The following CADPS variants were observed in gnomAD, a reference collection of about 807,000 sequenced individuals.
CADPS encodes the protein calcium-dependent secretion activator 1.
A neutral mutation model predicts 167.3 loss-of-function variants in CADPS; 57 were observed. The ratio of observed to expected loss-of-function variants is 0.34; its 90% CI spans 0.28 to 0.42. The LOEUF is 0.42. Among genes scored for constraint, CADPS ranks in the 20% least tolerant of loss-of-function variants. The pLI is 1.00. For missense variants in CADPS, 1,414 were observed against 1,738.1 expected, an observed-to-expected ratio of 0.81 and a Z score of 3.32; for synonymous variants, 676 against 635.3, an observed-to-expected ratio of 1.06 and a Z score of -0.96.
Position 62,534,002 on chromosome 3 carries a change from T to C in CADPS, c.2104-944A>G, listed in dbSNP as rs72891940. Among the ~76,000 whole-genome samples the C allele has an allele frequency of 7.5e-3, 1,141 of 152,306 alleles. 16 individuals are homozygous for C. Among genetic ancestry groups the C allele is most frequent in the African/African-American group, 0.025 (1,028 of 41,566 alleles). On this transcript the variant is annotated intron_variant, in intron 12 of 29. Transcript: ENST00000383710. ...GCAAATTAGAGCAGGTTTGGTGGCA[T>C]GATGGGATGGAAATTGCTAGCCCCA...
intron 11 of CADPS, among the ~76,000 whole-genome samples, chr3:62,543,570 A>G (rs769980434): frequency 4.3e-4 from 66 of 152,146 alleles, no homozygotes; most frequent in Admixed American, 8.5e-4. Context: ...ATCTGCTTGA[A>G]GTGGTGAAAA....
At chr3:62,484,978 G>A (rs2062586818) in intron 21 of CADPS, among the ~76,000 whole-genome samples, 1 of 151,980 alleles carries the variant, frequency 6.6e-6, no homozygotes, top group African/African-American at 2.4e-5. Flanking sequence ...TGGGGCAGGG[G>A]CATTCTCTAA....
intron 13 of CADPS, among the ~76,000 whole-genome samples, chr3:62,520,549 C>T (rs898207931): frequency 6.6e-6 from 1 of 152,186 alleles, no homozygotes; most frequent in Non-Finnish European, 1.5e-5. Flanking sequence ...AAATTTGCTT[C>T]TTGATCACCT....
chr3:62,770,720 C>A (rs1390934717), intron 1 of CADPS, among the ~76,000 whole-genome samples: 1 of 152,164 alleles, frequency 6.6e-6, no homozygotes, highest in Non-Finnish European at 1.5e-5. Context: ...GCCGTCATGC[C>A]CAATCGGTAT....
intron 11 of CADPS, among the ~76,000 whole-genome samples, chr3:62,542,428 A>G (rs576549728): frequency 1.3e-5 from 2 of 152,232 alleles, no homozygotes; most frequent in South Asian, 4.1e-4. Flanking sequence ...AGAAGACATG[A>G]AATAAAGAAA....
chr3:62,820,134 T>C (rs2094831740), intron 1 of CADPS, among the ~76,000 whole-genome samples: 1 of 152,120 alleles, frequency 6.6e-6, no homozygotes, highest in Non-Finnish European at 1.5e-5. Flanking sequence ...AAAAGCCCAA[T>C]GATCCTGAAC....
intron 2 of CADPS, among the ~76,000 whole-genome samples, chr3:62,761,105 C>A (rs1279348204): frequency 6.6e-6 from 1 of 152,134 alleles, no homozygotes; most frequent in African/African-American, 2.4e-5. Context: ...TTATATCTTA[C>A]TATCTGGCTT....
At chr3:62,659,705 T>C (rs2072680875) in intron 4 of CADPS, among the ~76,000 whole-genome samples, 1 of 152,228 alleles carries the variant, frequency 6.6e-6, no homozygotes, top group Non-Finnish European at 1.5e-5. Flanking sequence ...GCATCAAGTT[T>C]CCATTTCTGG....
chr3:62,594,464 A>G (rs1424466384), intron 6 of CADPS, among the ~76,000 whole-genome samples: 1 of 152,146 alleles, frequency 6.6e-6, no homozygotes, highest in Non-Finnish European at 1.5e-5. Context: ...CCCGGCCCTC[A>G]TTATGATTTT....
intron 28 of CADPS, among the ~76,000 whole-genome samples, chr3:62,435,062 CA>C (rs2054718168): frequency 6.6e-6 from 1 of 152,096 alleles, no homozygotes; most frequent in African/African-American, 2.4e-5. Flanking sequence ...TTTTTTTCTT[CA>C]TTCAAAATGT....
At chr3:62,511,266 C>T (rs1047739266) in intron 17 of CADPS, among the ~76,000 whole-genome samples, 4 of 152,244 alleles carry the variant, frequency 2.6e-5, no homozygotes, top group Middle Eastern at 3.4e-3. Context: ...GCCTACCTTG[C>T]CATCATCAGC....
chr3:62,657,758 C>T (rs1388484406), intron 4 of CADPS, among the ~76,000 whole-genome samples: 1 of 152,124 alleles, frequency 6.6e-6, no homozygotes, highest in Non-Finnish European at 1.5e-5. Context: ...TGACAGATTA[C>T]ACTGCAAGGT....
intron 9 of CADPS, among the ~76,000 whole-genome samples, chr3:62,568,049 C>G (rs1278361034): frequency 6.6e-6 from 1 of 152,168 alleles, no homozygotes; most frequent in Admixed American, 6.5e-5. Flanking sequence ...CTTCTTCCTG[C>G]TAAAAGTTGG....
At chr3:62,827,639 T>C (rs1017882342) in intron 1 of CADPS, among the ~76,000 whole-genome samples, 1 of 152,178 alleles carries the variant, frequency 6.6e-6, no homozygotes, top group African/African-American at 2.4e-5. Context: ...AGGAAACTGA[T>C]CTTTCAAATA....
At chr3:62,402,249 G>GGA (rs1553690906) in intron 29 of CADPS, among the ~76,000 whole-genome samples, 1 of 133,782 alleles carries the variant, frequency 7.5e-6, no homozygotes, top group Non-Finnish European at 1.6e-5. Context: ...CGGGGGGGGG[G>GGA]GGTGCCCAGG....
intron 13 of CADPS, among the ~76,000 whole-genome samples, chr3:62,527,956 A>G (rs2072715138): frequency 6.6e-6 from 1 of 152,186 alleles, no homozygotes; most frequent in Non-Finnish European, 1.5e-5. Flanking sequence ...TGGTTTCCCC[A>G]ATCCCAAAGG....
At chr3:62,759,303 G>T (rs1252088022) in intron 2 of CADPS, among the ~76,000 whole-genome samples, 1 of 152,162 alleles carries the variant, frequency 6.6e-6, no homozygotes, top group Non-Finnish European at 1.5e-5. Flanking sequence ...CCTGCAAGTT[G>T]GTTAGCCTGT....
At chr3:62,714,388 A>G (rs1440684233) in intron 3 of CADPS, among the ~76,000 whole-genome samples, 2 of 152,196 alleles carry the variant, frequency 1.3e-5, no homozygotes, top group Non-Finnish European at 2.9e-5. Context: ...ACATTAGAAG[A>G]ATACTCTTCC....
Position 62,481,748 on chromosome 3 carries a change from A to G in CADPS, c.3148T>C (p.Trp1050Arg). 2 of 1,608,594 alleles carry G rather than the reference A, an allele frequency of 1.2e-6. No individual in the cohort carries two copies. Among genetic ancestry groups the G allele is most frequent in the Non-Finnish European group, 1.7e-6 (2 of 1,178,378 alleles). Residue 1050 changes from tryptophan to arginine, a missense_variant, in exon 22 of 30, where the codon TGG becomes CGG. By Grantham distance (101) the Trp-to-Arg change is moderately radical. This residue lies in a region of CADPS where 529 missense variants were observed against 629.6 expected (regional missense o/e 0.84). Transcript: ENST00000383710. Reference protein sequence around the residue: ...PQMPTFSAPSWMAAIYDADNG... With the variant: ...PQMPTFSAPSRMAAIYDADNG... ...TCCGCATCATATATAGCAGCCATCC[A>G]TGACGGTGCCGAAAAAGTAGGCATT...
Sources: allele counts gnomAD v4.1 joint callset (sites outside exome capture counted in the v4.1 genomes callset), GRCh38; gene constraint gnomAD v4.1.1; regional missense constraint gnomAD v4.1.1; transcripts MANE v1.5; gene names NCBI Gene and HGNC (gene_info 2026-07-23, HGNC 2026-07-21).